Variants in ACSM6 observed in about 807,000 individuals in gnomAD.
ACSM6 encodes acyl-CoA synthetase medium chain family member 6.
Under a neutral mutation model 51.1 loss-of-function variants are expected in ACSM6, and 35 were observed. The observed-to-expected ratio is 0.69, with a 90% CI of 0.52 to 0.91. The LOEUF (loss-of-function observed/expected upper bound fraction) is 0.91, where lower values mean the gene tolerates loss of function less well. ACSM6 is among the 40% of genes least tolerant of loss of function. The pLI is 0.00. For synonymous variants in ACSM6, 172 were observed against 207.3 expected, an observed-to-expected ratio of 0.83 and a Z score of 1.46; for missense variants, 509 against 584.1, an observed-to-expected ratio of 0.87 and a Z score of 1.32.
intron 9 of ACSM6, among the ~76,000 whole-genome samples, chr10:95,221,279 C>A (rs1045051173): frequency 1.3e-5 from 2 of 152,130 alleles, no homozygotes; most frequent in Non-Finnish European, 2.9e-5. Flanking sequence ...CCTATAGAAT[C>A]CCTATGAATA....
intron 6 of ACSM6, among the ~76,000 whole-genome samples, chr10:95,212,432 C>G (rs900822093): frequency 6.6e-6 from 1 of 152,174 alleles, no homozygotes; most frequent in Non-Finnish European, 1.5e-5. Context: ...TAAGGAATCA[C>G]AGAGGCAGAA....
Position 95,215,083 on chromosome 10 carries a change from T to C in ACSM6, c.1119+108T>C, listed in dbSNP as rs578042916. 11 of 1,312,710 alleles carry C rather than the reference T, an allele frequency of 8.4e-6. No individual in the cohort carries two copies. In the South Asian group the frequency reaches 1.2e-4, roughly 15 times the overall value. The allele number at this position is 1,312,710 out of a possible 1,614,324, so 81.3% of individuals were successfully genotyped here. A position where few individuals can be genotyped will look rare whatever the true frequency, so the allele number is the denominator to read the frequency against. On this transcript the variant is annotated intron_variant, in intron 8 of 10. Transcript: ENST00000341686. ...CGCACTAGAAATGCACAACTGGATC[T>C]TAAGCACAGGAAGAGGAAATGGCTT...
chr10:95,206,803 G>T (rs1207799794), intron 3 of ACSM6, among the ~76,000 whole-genome samples: 2 of 152,132 alleles, frequency 1.3e-5, no homozygotes, highest in Non-Finnish European at 2.9e-5. Context: ...TTTTTGTTTT[G>T]TCTTTTCTCC....
intron 8 of ACSM6, among the ~76,000 whole-genome samples, chr10:95,217,506 A>G (rs2034958909): frequency 7.0e-6 from 1 of 141,854 alleles, no homozygotes. Context: ...TTCAAATAGC[A>G]TGGGAGAAAT....
chr10:95,199,654 A>G (rs1269923654), intron 2 of ACSM6, among the ~76,000 whole-genome samples: 1 of 152,230 alleles, frequency 6.6e-6, no homozygotes, highest in Non-Finnish European at 1.5e-5. Flanking sequence ...CAAATTCACA[A>G]GAAAAAAACA....
rs923176461 is a variant in ACSM6 at position 95,216,659 on chromosome 10, T to C, written c.1119+1684T>C. On this transcript the variant is annotated intron_variant, in intron 8 of 10. Transcript: ENST00000341686. ...GAGAAGTAATGGTCAGAAGGTGGTA[T>C]TGGGAGCTCAAAAGATGCCAAACCC... Among the ~76,000 whole-genome samples, 6 of 152,174 alleles carry C rather than the reference T, an allele frequency of 3.9e-5. No homozygotes were observed. In the East Asian group the frequency reaches 5.8e-4, roughly 15 times the overall value.
At chr10:95,228,485 C>T (rs886991977) in intron 10 of ACSM6, 159 bp from the exon 11 acceptor site, 2 of 630,568 alleles carry the variant, frequency 3.2e-6, no homozygotes, top group South Asian at 4.4e-5. Flanking sequence ...GAAAGTTCTC[C>T]GTGTTTGTTG....
At chr10:95,208,486 C>A (rs1268771980) in intron 4 of ACSM6, among the ~76,000 whole-genome samples, 1 of 152,058 alleles carries the variant, frequency 6.6e-6, no homozygotes, top group Admixed American at 6.6e-5. Flanking sequence ...CAAAAGTAAA[C>A]CTCACCCTCA....
chr10:95,204,518 C>A (rs1266340314), intron 3 of ACSM6, among the ~76,000 whole-genome samples: 1 of 152,126 alleles, frequency 6.6e-6, no homozygotes, highest in Non-Finnish European at 1.5e-5. Context: ...CACGCCACTG[C>A]ACTCCAGCCT....
At chr10:95,194,715 A>G in intron 2 of ACSM6, 38 bp downstream of exon 2, 1 of 1,519,678 alleles carries the variant, frequency 6.6e-7, no homozygotes, top group South Asian at 1.2e-5. Context: ...AACTTTGGCC[A>G]AGGCCAGTTG....
rs747948227 is a variant in ACSM6, at chr10:95,212,850, G to A, written c.913-8G>A. ...GCAGATTTTGTTTTTCCTTCCTTTG[G>A]GGCCCAGGTCCTGTCCAGATTTCCC... On this transcript the variant is annotated splice_region_variant and splice_polypyrimidine_tract_variant and intron_variant, in intron 6 of 10. Coordinates refer to ENST00000341686, the Ensembl canonical transcript of ACSM6. 2 of 1,609,742 alleles carry A rather than the reference G, an allele frequency of 1.2e-6. No individual in the cohort carries two copies. Among genetic ancestry groups the A allele is most frequent in the South Asian group, 1.1e-5 (1 of 90,996 alleles).
chr10:95,199,691 G>T (rs1281469833), intron 2 of ACSM6, among the ~76,000 whole-genome samples: 1 of 152,152 alleles, frequency 6.6e-6, no homozygotes, highest in African/African-American at 2.4e-5. Flanking sequence ...AGTGGGCAAA[G>T]GATATGAACA....
rs1462309823 is a variant in ACSM6 at position 95,200,141 on chromosome 10, T to C, written c.193-1844T>C. ...GACTGGATTTAGAAAATGTGGCACATAGACACCATGGAATACTATGCAGCC... is the reference window on the plus strand; with the variant it reads ...GACTGGATTTAGAAAATGTGGCACACAGACACCATGGAATACTATGCAGCC... On this transcript the variant is annotated intron_variant, in intron 2 of 10. Coordinates refer to ENST00000341686, the Ensembl canonical transcript of ACSM6. 2.6e-5 allele frequency among the ~76,000 whole-genome samples: 4 copies of C among 152,132 alleles called. No homozygotes were observed. The South Asian group carries it at 6.2e-4, about 24-fold the overall frequency.
At chr10:95,207,329 C>G (rs1461980285) in exon 4 of ACSM6, 1 of 1,614,116 alleles carries the variant, frequency 6.2e-7, no homozygotes, top group African/African-American at 1.3e-5. Context: ...TAAACTCTGC[C>G]GTGTCCGACT....
intron 4 of ACSM6, among the ~76,000 whole-genome samples, chr10:95,208,117 G>T (rs1164718986): frequency 6.6e-6 from 1 of 151,940 alleles, no homozygotes; most frequent in African/African-American, 2.4e-5. Context: ...CTCCAGCCTG[G>T]GGGACAGAGT....
At chr10:95,205,176 T>A (rs1006735333) in intron 3 of ACSM6, among the ~76,000 whole-genome samples, 1 of 152,192 alleles carries the variant, frequency 6.6e-6, no homozygotes, top group African/African-American at 2.4e-5. Flanking sequence ...TGAAAAGCTG[T>A]TAGATTATTT....
At chr10:95,202,886 C>A (rs1479737048) in intron 3 of ACSM6, among the ~76,000 whole-genome samples, 1 of 145,428 alleles carries the variant, frequency 6.9e-6, no homozygotes, top group African/African-American at 2.6e-5. Flanking sequence ...TTGCAGTGTG[C>A]TGAGATTGTG....
intron 8 of ACSM6, among the ~76,000 whole-genome samples, chr10:95,219,379 G>A (rs778812678): frequency 6.9e-6 from 1 of 143,904 alleles, no homozygotes; most frequent in Non-Finnish European, 1.5e-5. Context: ...TAAAAAAAAG[G>A]CACTAAAAAA....
intron 5 of ACSM6, among the ~76,000 whole-genome samples, chr10:95,211,378 C>G (rs1435953410): frequency 6.6e-6 from 1 of 152,216 alleles, no homozygotes; most frequent in East Asian, 1.9e-4. Flanking sequence ...GTTTCCCCAC[C>G]TTACATTCAA....
Sources: gnomAD v4.1 joint callset for allele counts (sites outside exome capture counted in the v4.1 genomes callset) on GRCh38, gnomAD v4.1.1 for gene constraint, MANE v1.5 for transcripts, NCBI Gene and HGNC (gene_info 2026-07-23, HGNC 2026-07-21) for gene names.